Variants in EPHA6 observed in about 807,000 individuals in gnomAD.
The protein encoded by EPHA6 is ephrin type-A receptor 6.
A neutral mutation model predicts 112.0 loss-of-function variants in EPHA6; 50 were observed. That is an observed-to-expected ratio of 0.45 (90% CI 0.36 to 0.56). EPHA6 has a LOEUF of 0.56. Among genes scored for constraint, EPHA6 ranks in the 20% least tolerant of loss-of-function variants. EPHA6 has a pLI of 0.00. For missense variants in EPHA6, 1,280 were observed against 1,417.4 expected (o/e 0.90, Z 1.56); for synonymous variants, 529 against 490.7 (o/e 1.08, Z -1.03).
rs182482102 is a variant in EPHA6, at chr3:97,502,766, G to T, written c.2200+18707G>T. Among the ~76,000 whole-genome samples, 4 of 146,168 alleles carry T rather than the reference G, an allele frequency of 2.7e-5. No homozygotes were observed. The Admixed American group carries it at 2.8e-4, about 10-fold the overall frequency. ...GGGGAATCACTTGAACCAGCGAGGT[G>T]GAGGTTGCAGTGAGCCGAGATTGTG... On this transcript the variant is annotated intron_variant, in intron 10 of 17. Coordinates refer to ENST00000389672, the MANE Select transcript of EPHA6 (RefSeq NM_001080448.3).
intron 5 of EPHA6, among the ~76,000 whole-genome samples, chr3:97,401,964 T>C (rs369507283): frequency 6.6e-6 from 1 of 151,942 alleles, no homozygotes; most frequent in Non-Finnish European, 1.5e-5. Context: ...GTTTGTGTGG[T>C]TTTTGAGGTT....
At chr3:97,509,595 C>T (rs1399453089) in intron 10 of EPHA6, among the ~76,000 whole-genome samples, 6 of 152,126 alleles carry the variant, frequency 3.9e-5, no homozygotes, top group Non-Finnish European at 8.8e-5. Context: ...GTAGCCCGAC[C>T]TTTCTCTCTG....
At chr3:97,016,148 G>T (rs191906510) in intron 3 of EPHA6, among the ~76,000 whole-genome samples, 1 of 151,890 alleles carries the variant, frequency 6.6e-6, no homozygotes, top group East Asian at 1.9e-4. Flanking sequence ...GCAGCTTGCT[G>T]TAGGTATGGG....
At chr3:96,839,175 G>T (rs2034587694) in intron 1 of EPHA6, among the ~76,000 whole-genome samples, 9 of 152,148 alleles carry the variant, frequency 5.9e-5, no homozygotes. Context: ...GCCCTGGGCT[G>T]CAGACTGGTA....
chr3:97,143,485 A>G (rs2075961662), intron 3 of EPHA6, among the ~76,000 whole-genome samples: 1 of 151,748 alleles, frequency 6.6e-6, no homozygotes, highest in Admixed American at 6.6e-5. Context: ...GTATTCTCTT[A>G]TGTTGATCCA....
At chr3:97,465,131 A>C (rs2091011683) in intron 7 of EPHA6, among the ~76,000 whole-genome samples, 2 of 152,224 alleles carry the variant, frequency 1.3e-5, no homozygotes, top group Admixed American at 1.3e-4. Context: ...TTACATGACA[A>C]GGTGAATGGG....
intron 3 of EPHA6, among the ~76,000 whole-genome samples, chr3:97,190,368 G>A (rs921867125): frequency 2.6e-5 from 4 of 152,004 alleles, no homozygotes; most frequent in Admixed American, 6.6e-5. Context: ...CTCAATGAAT[G>A]ACCTATGAGA....
chr3:97,749,275 G>T lies in EPHA6; in HGVS notation c.*574G>T, dbSNP rs935926584. On this transcript the variant is annotated 3_prime_UTR_variant, in exon 18 of 18. Coordinates refer to ENST00000389672, the MANE Select transcript of EPHA6 (RefSeq NM_001080448.3). Reference sequence around the variant, plus strand: ...ATATCATGTAATGAATTTTTGTGAGGTATGACTATGGTGAGAAGGGGGTTA... The same window carrying T: ...ATATCATGTAATGAATTTTTGTGAGTTATGACTATGGTGAGAAGGGGGTTA... 9.3e-6 allele frequency: 2 copies of T among 215,654 alleles called. No individual in the cohort carries two copies. Among genetic ancestry groups the T allele is most frequent in the African/African-American group, 4.5e-5 (2 of 44,350 alleles). 13.4% of individuals were successfully genotyped at this position (215,654 alleles called of 1,614,324 possible).
At chr3:97,200,548 C>T (rs2077553133) in intron 3 of EPHA6, among the ~76,000 whole-genome samples, 3 of 152,076 alleles carry the variant, frequency 2.0e-5, no homozygotes, top group Non-Finnish European at 4.4e-5. Context: ...AACCTCTGTA[C>T]CTGTGTTCCC....
chr3:97,681,300 T>C (rs1231075444), intron 14 of EPHA6, among the ~76,000 whole-genome samples: 1 of 152,144 alleles, frequency 6.6e-6, no homozygotes, highest in East Asian at 1.9e-4. Flanking sequence ...ATAAACCTGT[T>C]TTGAAGAACA....
rs866810726 is a variant in EPHA6 at position 97,435,613 on chromosome 3, C to T, written c.1732-12955C>T. ...GACCAAGGAAATAGCATCCATTACT[C>T]GCTCCCAGACCCCTAAATACATAGT... On this transcript the variant is annotated intron_variant, in intron 6 of 17. Coordinates refer to ENST00000389672, the MANE Select transcript of EPHA6 (RefSeq NM_001080448.3). Among the ~76,000 whole-genome samples the T allele has an allele frequency of 7.8e-4, 119 of 152,246 alleles. 1 individual carries two copies. The highest frequency in any genetic ancestry group is 2.8e-3 in the African/African-American group (115 of 41,546).
chr3:97,482,906 C>T (rs1379842), intron 9 of EPHA6, among the ~76,000 whole-genome samples: 4 of 151,966 alleles, frequency 2.6e-5, no homozygotes, highest in South Asian at 2.1e-4. Flanking sequence ...ATATTCGGAA[C>T]GATAGAAAGA....
chr3:97,353,824 C>T (rs949940079), intron 5 of EPHA6, among the ~76,000 whole-genome samples: 1 of 152,144 alleles, frequency 6.6e-6, no homozygotes, highest in Non-Finnish European at 1.5e-5. Context: ...TGGGCAAGAC[C>T]CAGTACTGTG....
chr3:96,918,444 T>C (rs2039593142), intron 2 of EPHA6, among the ~76,000 whole-genome samples: 1 of 152,142 alleles, frequency 6.6e-6, no homozygotes, highest in African/African-American at 2.4e-5. Flanking sequence ...AGGCATTACG[T>C]ATTGGATACA....
intron 11 of EPHA6, 104 bp from the exon 12 acceptor site, chr3:97,592,508 T>G: frequency 7.3e-7 from 1 of 1,366,868 alleles, no homozygotes; most frequent in Non-Finnish European, 1.0e-6. Flanking sequence ...AACTTCTTCG[T>G]AAAATTTGAT....
chr3:97,406,809 A>T (rs929061245), intron 6 of EPHA6, among the ~76,000 whole-genome samples: 2 of 152,160 alleles, frequency 1.3e-5, no homozygotes, highest in Non-Finnish European at 2.9e-5. Context: ...TCTGCAAATT[A>T]TCCTGGCCAA....
chr3:97,638,997 G>C (rs1273213401), intron 14 of EPHA6, among the ~76,000 whole-genome samples: 1 of 151,830 alleles, frequency 6.6e-6, no homozygotes, highest in Non-Finnish European at 1.5e-5. Flanking sequence ...TTGAAACTTT[G>C]CTGTATTCAG....
intron 5 of EPHA6, among the ~76,000 whole-genome samples, chr3:97,299,115 C>T (rs2080989932): frequency 6.6e-6 from 1 of 151,806 alleles, no homozygotes; most frequent in African/African-American, 2.4e-5. Flanking sequence ...ATGATATAGT[C>T]TACCAAACTT....
intron 2 of EPHA6, among the ~76,000 whole-genome samples, chr3:96,963,895 G>A (rs1439755310): frequency 6.6e-6 from 1 of 152,106 alleles, no homozygotes; most frequent in Non-Finnish European, 1.5e-5. Context: ...AGGAAGTTCA[G>A]TCTTTTCATG....
Sources: allele counts gnomAD v4.1 joint callset (sites outside exome capture counted in the v4.1 genomes callset), GRCh38; gene constraint gnomAD v4.1.1; transcripts MANE v1.5; gene names NCBI Gene and HGNC (gene_info 2026-07-23, HGNC 2026-07-21).